NPEPPS: variants seen among roughly 807,000 people sequenced by gnomAD.
NPEPPS encodes aminopeptidase puromycin sensitive, also known as puromycin-sensitive aminopeptidase.
Under a neutral mutation model 115.5 loss-of-function variants are expected in NPEPPS, and 14 were observed. That is an observed-to-expected ratio of 0.12 (90% CI 0.08 to 0.19). NPEPPS has a LOEUF of 0.19. NPEPPS is among the 10% of genes least tolerant of loss of function. The pLI is 1.00. For missense variants in NPEPPS, 523 were observed against 1,110.8 expected, an observed-to-expected ratio of 0.47 and a Z score of 7.52; for synonymous variants, 285 against 390.6, an observed-to-expected ratio of 0.73 and a Z score of 3.19.
At chr17:47,554,272 T>C (rs1909852892) in intron 2 of NPEPPS, among the ~76,000 whole-genome samples, 1 of 152,174 alleles carries the variant, frequency 6.6e-6, no homozygotes, top group Admixed American at 6.6e-5. Flanking sequence ...ACTCCTGACC[T>C]CAGGTGATCT....
chr17:47,585,161 A>C (rs1912111449), intron 5 of NPEPPS, among the ~76,000 whole-genome samples: 1 of 152,094 alleles, frequency 6.6e-6, no homozygotes. Context: ...ATTTTCTCCT[A>C]AACTTATGTC....
intron 1 of NPEPPS, among the ~76,000 whole-genome samples, chr17:47,545,592 A>C (rs1392278916): frequency 6.6e-6 from 1 of 152,136 alleles, no homozygotes; most frequent in Non-Finnish European, 1.5e-5. Context: ...TCAGTTGCCC[A>C]GGATGGAGTG....
At chr17:47,559,209 G>A (rs1438795543) in intron 2 of NPEPPS, among the ~76,000 whole-genome samples, 1 of 152,088 alleles carries the variant, frequency 6.6e-6, no homozygotes, top group Non-Finnish European at 1.5e-5. Flanking sequence ...GTGGTGCCTG[G>A]CTAATTTTTT....
chr17:47,589,624 A>G (rs887866307), intron 9 of NPEPPS, among the ~76,000 whole-genome samples: 3 of 152,142 alleles, frequency 2.0e-5, no homozygotes, highest in Non-Finnish European at 2.9e-5. Flanking sequence ...AGATCTTTCA[A>G]ATTTTTTTAA....
chr17:47,606,290 C>T (rs1457591725), intron 17 of NPEPPS, among the ~76,000 whole-genome samples: 1 of 152,072 alleles, frequency 6.6e-6, no homozygotes, highest in Admixed American at 6.5e-5. Flanking sequence ...CATATATTTA[C>T]TCTTTTTGCT....
intron 2 of NPEPPS, among the ~76,000 whole-genome samples, chr17:47,556,476 A>G (rs1910042977): frequency 6.6e-6 from 1 of 152,116 alleles, no homozygotes; most frequent in Non-Finnish European, 1.5e-5. Context: ...TCCTATGTCT[A>G]CTTCTTTCTA....
intron 3 of NPEPPS, among the ~76,000 whole-genome samples, chr17:47,569,734 C>T (rs1911081534): frequency 6.6e-6 from 1 of 151,878 alleles, no homozygotes; most frequent in African/African-American, 2.4e-5. Flanking sequence ...TCTCCTGCGT[C>T]GGCCTCCCGA....
chr17:47,532,868 T>A (rs907586286), intron 1 of NPEPPS, among the ~76,000 whole-genome samples: 8 of 152,150 alleles, frequency 5.3e-5, no homozygotes, highest in Non-Finnish European at 8.8e-5. Context: ...TTTATGATAC[T>A]ATGTAATAGG....
intron 2 of NPEPPS, among the ~76,000 whole-genome samples, chr17:47,549,407 G>GA (rs1909469874): frequency 1.3e-5 from 2 of 152,046 alleles, no homozygotes; most frequent in Non-Finnish European, 2.9e-5. Flanking sequence ...ACAGCAACGG[G>GA]AAAAAACCTG....
chr17:47,609,480 C>T (rs1411183754), intron 17 of NPEPPS, among the ~76,000 whole-genome samples: 3 of 152,152 alleles, frequency 2.0e-5, no homozygotes, highest in Non-Finnish European at 4.4e-5. Flanking sequence ...CATCACACAG[C>T]GTGTTAGTAC....
chr17:47,534,966 C>T (rs1429739766), intron 1 of NPEPPS, among the ~76,000 whole-genome samples: 17 of 151,632 alleles, frequency 1.1e-4, no homozygotes, highest in Non-Finnish European at 2.2e-4. Flanking sequence ...TTGTCTTGGC[C>T]GGGCACGGTG....
Position 47,605,315 on chromosome 17 carries a change from T to C in NPEPPS, c.1876-18T>C, listed in dbSNP as rs1425182184. The C allele has an allele frequency of 1.3e-6, 2 of 1,554,080 alleles. No individual in the cohort carries two copies. The highest frequency in any genetic ancestry group is 4.6e-5 in the East Asian group (2 of 43,790). On this transcript the variant is annotated intron_variant, in intron 16 of 22. Coordinates refer to ENST00000322157, the MANE Select transcript of NPEPPS (RefSeq NM_006310.4). ...TTTGTTTGAAGACTAGGTTAATTTA[T>C]GTTTTTTCCTATCCCAGGCTCGAGC...
chr17:47,600,910 C>T (rs1913155837), intron 14 of NPEPPS, among the ~76,000 whole-genome samples: 1 of 152,008 alleles, frequency 6.6e-6, no homozygotes, highest in Non-Finnish European at 1.5e-5. Flanking sequence ...AAGGACTGCA[C>T]CTTAGAATTT....
intron 1 of NPEPPS, among the ~76,000 whole-genome samples, chr17:47,537,019 T>G (rs1009286959): frequency 2.3e-4 from 35 of 152,116 alleles, no homozygotes; most frequent in African/African-American, 8.2e-4. Flanking sequence ...GGCCATTTTC[T>G]GCATATTTTC....
chr17:47,594,879 G>A (rs759516035), intron 12 of NPEPPS, among the ~76,000 whole-genome samples: 110 of 151,268 alleles, frequency 7.3e-4, no homozygotes, highest in Non-Finnish European at 9.3e-4. Flanking sequence ...TGATCCGCCC[G>A]CCTCTGCCTC....
upstream of NPEPPS, among the ~76,000 whole-genome samples, chr17:47,527,735 A>T (rs1907493910): frequency 6.7e-6 from 1 of 148,208 alleles, no homozygotes; most frequent in Admixed American, 6.6e-5. Context: ...AAATAAAAAG[A>T]AAAAAAAGAA....
At chr17:47,582,271 C>A (rs1911927170) in intron 4 of NPEPPS, 1 of 204,150 alleles carries the variant, frequency 4.9e-6, no homozygotes, top group Non-Finnish European at 1.0e-5. Flanking sequence ...TGTCTTTATT[C>A]CCATTGCTGC....
chr17:47,579,466 T>C lies in NPEPPS; in HGVS notation c.495T>C (p.Thr165=). The change falls in exon 4 of 23, where the codon ACT becomes ACC. Residue 165 remains threonine (T), a synonymous_variant. Transcript: ENST00000322157. ...KMKGFYRSKY[T]TPSGEVRYAA... is the part of the protein sequence containing the mutation. ...AAGGTTTCTATAGAAGTAAATATAC[T>C]ACCCCTTCTGGAGAGGTGCGCTATG... 1 of 1,612,700 alleles carries C rather than the reference T, an allele frequency of 6.2e-7. No homozygotes were observed. Among genetic ancestry groups the C allele is most frequent in the Non-Finnish European group, 8.5e-7 (1 of 1,179,164 alleles).
chr17:47,593,336 CGG>C (rs1912633176), intron 12 of NPEPPS, among the ~76,000 whole-genome samples: 1 of 152,026 alleles, frequency 6.6e-6, no homozygotes, highest in Non-Finnish European at 1.5e-5. Context: ...CCAGGATGTG[CGG>C]ACTGATTGAG....
Sources: gnomAD v4.1 joint callset for allele counts (sites outside exome capture counted in the v4.1 genomes callset) on GRCh38, gnomAD v4.1.1 for gene constraint, MANE v1.5 for transcripts, NCBI Gene and HGNC (gene_info 2026-07-23, HGNC 2026-07-21) for gene names.